Variants in DLGAP4 observed in about 807,000 individuals in gnomAD.
DLGAP4 encodes disks large-associated protein 4.
In DLGAP4, 18 loss-of-function variants were observed where a neutral mutation model predicts 86.9. That is an observed-to-expected ratio of 0.21 (90% CI 0.14 to 0.31). The LOEUF is 0.31. Among genes scored for constraint, DLGAP4 ranks in the 10% least tolerant of loss-of-function variants. The pLI is 1.00. For synonymous variants in DLGAP4, 548 were observed against 574.3 expected (o/e 0.95, Z 0.65); for missense variants, 1,085 against 1,362.6 (o/e 0.80, Z 3.21).
At chr20:36,349,907 G>C (rs1473701047) in intron 1 of DLGAP4, among the ~76,000 whole-genome samples, 2 of 152,164 alleles carry the variant, frequency 1.3e-5, no homozygotes, top group Non-Finnish European at 2.9e-5. Context: ...CGTCCCAGGG[G>C]ATGGGCTGTC....
At chr20:36,450,056 C>T (rs2033695549) in intron 7 of DLGAP4, among the ~76,000 whole-genome samples, 1 of 152,242 alleles carries the variant, frequency 6.6e-6, no homozygotes, top group South Asian at 2.1e-4. Context: ...ATTTCAAGGC[C>T]TCTGCTCATG....
intron 1 of DLGAP4, among the ~76,000 whole-genome samples, chr20:36,317,326 T>C (rs1465039094): frequency 0.91 from 75,870 of 83,310 alleles, 35,370 homozygotes; most frequent in Middle Eastern, 0.99. Context: ...CCTTCCTTCC[T>C]TCCTCTTTCT....
chr20:36,355,298 CTTTT>C (rs530582187), intron 1 of DLGAP4, among the ~76,000 whole-genome samples: 5 of 135,098 alleles, frequency 3.7e-5, no homozygotes, highest in African/African-American at 1.5e-4. Context: ...TTCTTTCTTT[CTTTT>C]TTTTTTTTTT....
At chr20:36,325,904 G>C (rs1600399807) in intron 1 of DLGAP4, among the ~76,000 whole-genome samples, 1 of 151,854 alleles carries the variant, frequency 6.6e-6, no homozygotes, top group East Asian at 1.9e-4. Flanking sequence ...TTTTAGTAGA[G>C]ACAGGGTTTC....
chr20:36,379,289 C>G (rs2031282863), intron 2 of DLGAP4, among the ~76,000 whole-genome samples: 3 of 152,206 alleles, frequency 2.0e-5, no homozygotes, highest in Non-Finnish European at 1.5e-5. Context: ...ATGGGAGATG[C>G]TCTTGAGAAA....
intron 7 of DLGAP4, among the ~76,000 whole-genome samples, chr20:36,477,780 T>A (rs1233945808): frequency 6.6e-6 from 1 of 152,128 alleles, no homozygotes; most frequent in Non-Finnish European, 1.5e-5. Flanking sequence ...CCTAGCACAG[T>A]GTTTGGATGC....
intron 1 of DLGAP4, among the ~76,000 whole-genome samples, chr20:36,307,950 G>C (rs1270538086): frequency 1.3e-5 from 2 of 152,224 alleles, no homozygotes; most frequent in Non-Finnish European, 2.9e-5. Context: ...TCTGCCAGAG[G>C]GCACTGGGCT....
In DLGAP4 at chr20:36,401,183, A is replaced by G. The variant is rs190286271; in HGVS notation, c.-72-30463A>G. The stretch of plus-strand genomic sequence containing the variant: ...GCAGAGGCTGCCGCTCCCTGAGAAA[A>G]TGATATGCCTGTTCCGAGAAACCAA... On this transcript the variant is annotated intron_variant, in intron 2 of 12. Coordinates refer to ENST00000339266, the MANE Select transcript of DLGAP4 (RefSeq NM_001365621.2). 5.1e-4 allele frequency among the ~76,000 whole-genome samples: 78 copies of G among 152,338 alleles called. 2 individuals carry two copies. The East Asian group carries it at 0.015, about 29-fold the overall frequency.
intron 10 of DLGAP4, among the ~76,000 whole-genome samples, chr20:36,511,815 C>T (rs912238129): frequency 3.4e-5 from 5 of 145,080 alleles, no homozygotes; most frequent in East Asian, 4.3e-4. Flanking sequence ...GTGGAGGTTG[C>T]GGTGAGCCGA....
chr20:36,497,175 C>G (rs1600654392), intron 8 of DLGAP4, 109 bp downstream of exon 8: 1 of 1,490,220 alleles, frequency 6.7e-7, no homozygotes, highest in Non-Finnish European at 8.9e-7. Flanking sequence ...GGTGGTTTGT[C>G]TCTCTATTTT....
chr20:36,351,025 G>A (rs1013061615), intron 1 of DLGAP4, among the ~76,000 whole-genome samples: 4 of 152,240 alleles, frequency 2.6e-5, no homozygotes, highest in African/African-American at 4.8e-5. Flanking sequence ...AGCGTGTGCC[G>A]CCTGCCCTCC....
chr20:36,484,649 C>A (rs1445377940), intron 7 of DLGAP4, among the ~76,000 whole-genome samples: 1 of 152,252 alleles, frequency 6.6e-6, no homozygotes, highest in Non-Finnish European at 1.5e-5. Flanking sequence ...AACTGAGACA[C>A]CACTAGAAGT....
chr20:36,317,306 TTCC>T (rs2065117379), intron 1 of DLGAP4, among the ~76,000 whole-genome samples: 6 of 182 alleles, frequency 0.033, 1 homozygote, highest in African/African-American at 0.087. Context: ...TCTTTCTTTC[TTCC>T]TTCCTTCCTT....
intron 2 of DLGAP4, among the ~76,000 whole-genome samples, chr20:36,375,295 C>T (rs1457094034): frequency 6.6e-6 from 1 of 152,210 alleles, no homozygotes; most frequent in African/African-American, 2.4e-5. Context: ...CCCTGATTCT[C>T]TTCTAAATCC....
chr20:36,500,228 C>T lies in DLGAP4; in HGVS notation c.2129C>T (p.Ser710Phe). Residue 710 changes from serine (S) to phenylalanine (F), a missense_variant, in exon 10 of 13, where the codon TCC becomes TTC. This residue lies in a region of DLGAP4 where 1,082 missense variants were observed against 1,344.1 expected (regional missense o/e 0.81). Coordinates refer to ENST00000339266, the MANE Select transcript of DLGAP4 (RefSeq NM_001365621.2). The surrounding 1 kb of genome is among the most constrained non-coding windows in gnomAD (Gnocchi z 4.6). The stretch of plus-strand genomic sequence containing the variant: ...AGCGTCCCCTCTCACAGTATGTCCT[C>T]CCGACGGGACACAGACTCGGATACC... ...RSSVPSHSMS[S>F]RRDTDSDTQD... 6.3e-7 allele frequency: 1 copy of T among 1,591,314 alleles called. No individual in the cohort carries two copies. The highest frequency in any genetic ancestry group is 1.8e-5 in the Admixed American group (1 of 56,752).
At chr20:36,480,775 G>A (rs1309791961) in intron 7 of DLGAP4, among the ~76,000 whole-genome samples, 4 of 152,116 alleles carry the variant, frequency 2.6e-5, no homozygotes, top group African/African-American at 9.7e-5. Context: ...GGAGGCCTAG[G>A]TGGAAAAATT....
intron 2 of DLGAP4, among the ~76,000 whole-genome samples, chr20:36,406,807 G>A (rs997448754): frequency 6.6e-6 from 1 of 152,144 alleles, no homozygotes; most frequent in African/African-American, 2.4e-5. Context: ...GACTGTGTGA[G>A]CTGTAGGAAA....
intron 7 of DLGAP4, among the ~76,000 whole-genome samples, chr20:36,483,375 C>T (rs1392870614): frequency 6.6e-6 from 1 of 152,180 alleles, no homozygotes; most frequent in East Asian, 1.9e-4. Context: ...AACTGGTGTT[C>T]TCCAGGCTGG....
chr20:36,452,266 C>A (rs920936318), intron 7 of DLGAP4, among the ~76,000 whole-genome samples: 14 of 152,186 alleles, frequency 9.2e-5, no homozygotes, highest in African/African-American at 3.1e-4. Context: ...ATAGCCTCAA[C>A]CTCCCAGGCT....
Sources: allele counts gnomAD v4.1 joint callset (sites outside exome capture counted in the v4.1 genomes callset), GRCh38; gene constraint gnomAD v4.1.1; regional missense constraint gnomAD v4.1.1; non-coding constraint Gnocchi (gnomAD v3.1); transcripts MANE v1.5; gene names NCBI Gene and HGNC (gene_info 2026-07-23, HGNC 2026-07-21).